VGLL3: variants seen among roughly 807,000 people sequenced by gnomAD.
VGLL3 encodes vestigial like family member 3.
A neutral mutation model predicts 29.2 loss-of-function variants in VGLL3; 18 were observed. The observed-to-expected ratio is 0.62, with a 90% CI of 0.43 to 0.91. VGLL3 has a LOEUF of 0.91. Among genes scored for constraint, VGLL3 ranks in the 40% least tolerant of loss-of-function variants. The pLI is 0.00. For missense variants in VGLL3, 440 were observed against 413.2 expected (o/e 1.06, Z -0.56); for synonymous variants, 180 against 151.8 (o/e 1.19, Z -1.36).
chr3:86,965,808 A>T (rs926636590), intron 3 of VGLL3, among the ~76,000 whole-genome samples: 1 of 152,032 alleles, frequency 6.6e-6, no homozygotes, highest in Non-Finnish European at 1.5e-5. Flanking sequence ...GAACCATCTC[A>T]CTCCAGAGCT....
chr3:86,959,834 G>A (rs938463939), intron 3 of VGLL3, among the ~76,000 whole-genome samples: 4 of 152,088 alleles, frequency 2.6e-5, no homozygotes, highest in Non-Finnish European at 2.9e-5. Flanking sequence ...TGCAACTAGT[G>A]ATTTTTACCC....
chr3:86,983,705 T>C (rs151177634), intron 1 of VGLL3, among the ~76,000 whole-genome samples: 13 of 152,260 alleles, frequency 8.5e-5, no homozygotes, highest in South Asian at 2.1e-4. Flanking sequence ...CCTAATTTAC[T>C]TGGATAACAG....
intron 2 of VGLL3, among the ~76,000 whole-genome samples, chr3:86,977,483 G>GA (rs1477920926): frequency 6.6e-6 from 1 of 152,186 alleles, no homozygotes; most frequent in Non-Finnish European, 1.5e-5. Context: ...GTTAAAGTGT[G>GA]ATTCCCACAC....
intron 1 of VGLL3, among the ~76,000 whole-genome samples, chr3:86,987,177 T>A (rs1288609059): frequency 1.3e-5 from 2 of 152,218 alleles, no homozygotes; most frequent in Non-Finnish European, 2.9e-5. Context: ...AAATCCATTT[T>A]CTCACTTGTA....
rs1245661711 is a variant in VGLL3, at chr3:86,990,718, T to G, written c.26A>C (p.His9Pro). The G allele has an allele frequency of 7.0e-7, 1 of 1,430,068 alleles. No individual in the cohort carries two copies. Among genetic ancestry groups the G allele is most frequent in the Non-Finnish European group, 9.2e-7 (1 of 1,091,906 alleles). The allele number at this position is 1,430,068 out of a possible 1,614,324, so 88.6% of individuals were successfully genotyped here. Reference protein sequence around the residue: MSCAEVMYHPQPYGASQYL... With the variant: MSCAEVMYPPQPYGASQYL... The stretch of plus-strand genomic sequence containing the variant: ...CTGGGACGCTCCATAAGGCTGGGGG[T>G]GATACATCACCTCCGCACAACTCAT... Residue 9 changes from histidine (H) to proline (P), a missense_variant, in exon 1 of 4, where the codon CAC becomes CCC. Physicochemically the swap from His to Pro is moderately conservative, Grantham distance 77 (BLOSUM62 -2). Coordinates refer to ENST00000398399, the MANE Select transcript of VGLL3 (RefSeq NM_016206.4).
chr3:86,978,949 T>G, intron 1 of VGLL3, 147 bp from the exon 2 acceptor site: 1 of 911,856 alleles, frequency 1.1e-6, no homozygotes, highest in South Asian at 2.5e-5. Flanking sequence ...CTCCATCTTT[T>G]TCCTCCCCAA....
intron 3 of VGLL3, 75 bp downstream of exon 3, chr3:86,968,515 A>G: frequency 2.0e-6 from 3 of 1,481,352 alleles, no homozygotes; most frequent in Non-Finnish European, 2.7e-6. Context: ...AGAAAAAATA[A>G]TTTCAAAACA....
At chr3:86,959,329 T>A (rs896533028) in intron 3 of VGLL3, among the ~76,000 whole-genome samples, 1 of 152,198 alleles carries the variant, frequency 6.6e-6, no homozygotes, top group Non-Finnish European at 1.5e-5. Context: ...CATAACTTCC[T>A]AATCATTTAT....
At chr3:86,961,167 A>G (rs1228104359) in intron 3 of VGLL3, among the ~76,000 whole-genome samples, 2 of 152,064 alleles carry the variant, frequency 1.3e-5, no homozygotes, top group African/African-American at 4.8e-5. Context: ...AAATCTGTGG[A>G]TCTACAGATG....
intron 2 of VGLL3, among the ~76,000 whole-genome samples, chr3:86,973,519 T>A (rs1487514124): frequency 6.6e-6 from 1 of 152,190 alleles, no homozygotes; most frequent in East Asian, 1.9e-4. Context: ...TGTCCAAAGA[T>A]TGCCTTCTAG....
intron 2 of VGLL3, among the ~76,000 whole-genome samples, chr3:86,969,673 C>T (rs1705049118): frequency 7.0e-6 from 1 of 142,294 alleles, no homozygotes; most frequent in Non-Finnish European, 1.5e-5. Context: ...ATTCCAACCT[C>T]ATTTTATTTA....
chr3:86,943,340 G>A lies in VGLL3; in HGVS notation c.*3684C>T, dbSNP rs1704438318. 2 of 152,120 alleles carry A rather than the reference G, an allele frequency of 1.3e-5. No individual in the cohort carries two copies. The highest frequency in any genetic ancestry group is 1.3e-4 in the Admixed American group (2 of 15,278). 9.4% of individuals were successfully genotyped at this position (152,120 alleles called of 1,614,324 possible). A position where few individuals can be genotyped will look rare whatever the true frequency, so the allele number is the denominator to read the frequency against. ...AATACAGGTTCTTGAAACAGTTTCT[G>A]ATTTCCACTTTAAATTATAAATACA... On this transcript the variant is annotated 3_prime_UTR_variant, in exon 4 of 4. Transcript: ENST00000398399.
chr3:86,965,392 A>G (rs1216631539), intron 3 of VGLL3, among the ~76,000 whole-genome samples: 1 of 152,112 alleles, frequency 6.6e-6, no homozygotes, highest in African/African-American at 2.4e-5. Context: ...TTCTGGCTGT[A>G]TGTTCAGGCC....
chr3:86,988,298 C>T (rs1159175299), intron 1 of VGLL3, among the ~76,000 whole-genome samples: 1 of 152,028 alleles, frequency 6.6e-6, no homozygotes, highest in African/African-American at 2.4e-5. Flanking sequence ...TTACTTTTGT[C>T]TCCCAGGCAA....
intron 1 of VGLL3, among the ~76,000 whole-genome samples, chr3:86,987,970 T>C (rs1391595080): frequency 1.3e-5 from 2 of 152,214 alleles, no homozygotes; most frequent in Non-Finnish European, 2.9e-5. Context: ...AGTTCTGTTA[T>C]TTCCAAAATA....
In VGLL3 at chr3:86,983,545, T is replaced by C. The variant is rs145382736; in HGVS notation, c.127-4743A>G. Reference sequence around the variant, plus strand: ...CAGGTGTGTGCCACCATGCTGGCCTTATTTTTTATTCTAATTTTTTTGTAG... The same window carrying C: ...CAGGTGTGTGCCACCATGCTGGCCTCATTTTTTATTCTAATTTTTTTGTAG... On this transcript the variant is annotated intron_variant, in intron 1 of 3. Coordinates refer to ENST00000398399, the MANE Select transcript of VGLL3 (RefSeq NM_016206.4). 4.1e-3 allele frequency among the ~76,000 whole-genome samples: 619 copies of C among 152,214 alleles called. 6 individuals carry two copies. Among genetic ancestry groups the C allele is most frequent in the African/African-American group, 0.014 (583 of 41,512 alleles).
rs189704743 is a variant in VGLL3 at position 86,941,999 on chromosome 3, A to C, written c.*5025T>G. On this transcript the variant is annotated 3_prime_UTR_variant, in exon 4 of 4. Coordinates refer to ENST00000398399, the MANE Select transcript of VGLL3 (RefSeq NM_016206.4). ...ACATTCGTTTTTGAATGGATGTTGA[A>C]AGTTAGGCTAAAATTTTTACCTAAT... 9 of 152,248 alleles carry C rather than the reference A, an allele frequency of 5.9e-5. No individual in the cohort carries two copies. Among genetic ancestry groups the C allele is most frequent in the Admixed American group, 4.6e-4 (7 of 15,276 alleles). The allele number at this position is 152,248 out of a possible 1,614,324, so 9.4% of individuals were successfully genotyped here. A position where few individuals can be genotyped will look rare whatever the true frequency, so the allele number is the denominator to read the frequency against.
intron 1 of VGLL3, among the ~76,000 whole-genome samples, chr3:86,988,125 C>T (rs1267705723): frequency 2.6e-5 from 4 of 152,202 alleles, no homozygotes; most frequent in Non-Finnish European, 5.9e-5. Context: ...AGATACACTA[C>T]TACAATTGAA....
chr3:86,976,811 A>C (rs1705219030), intron 2 of VGLL3, among the ~76,000 whole-genome samples: 1 of 152,248 alleles, frequency 6.6e-6, no homozygotes, highest in Non-Finnish European at 1.5e-5. Flanking sequence ...GCAAGGTTGC[A>C]TATGCCCATG....
Sources: gnomAD v4.1 joint callset for allele counts (sites outside exome capture counted in the v4.1 genomes callset) on GRCh38, gnomAD v4.1.1 for gene constraint, MANE v1.5 for transcripts, NCBI Gene and HGNC (gene_info 2026-07-23, HGNC 2026-07-21) for gene names.